Variants in SLC9B1 observed in about 807,000 individuals in gnomAD.
The protein encoded by SLC9B1 is sodium/hydrogen exchanger 9B1.
A neutral mutation model predicts 51.7 loss-of-function variants in SLC9B1; 32 were observed. That is an observed-to-expected ratio of 0.62 (90% CI 0.47 to 0.83). The LOEUF is 0.83. Among genes scored for constraint, SLC9B1 ranks in the 40% least tolerant of loss-of-function variants. The pLI is 0.00. For missense variants in SLC9B1, 406 were observed against 613.2 expected, an observed-to-expected ratio of 0.66 and a Z score of 3.57; for synonymous variants, 145 against 212.7, an observed-to-expected ratio of 0.68 and a Z score of 2.77.
chr4:103,019,560 AGGGCTTGG>A (rs1322030643), intron 1 of SLC9B1, 31 bp downstream of exon 1: 1 of 984,716 alleles, frequency 1.0e-6, no homozygotes, highest in Non-Finnish European at 1.2e-6. Flanking sequence ...CTAGCGCCAA[AGGGCTTGG>A]AAGGGCGGCG....
At position 103,019,645 on chromosome 4, in the gene SLC9B1, G is replaced by A. The variant is rs1741649012; in HGVS notation, c.-48C>T. On this transcript the variant is annotated 5_prime_UTR_variant, in exon 1 of 12. Coordinates refer to ENST00000296422, the MANE Select transcript of SLC9B1 (RefSeq NM_139173.4). ...TCGCTGGCCCGGGAGCGGCCCAGGA[G>A]CCCAGTGACCGTTGCGTAAGCCACG... 3.0e-6 allele frequency: 3 copies of A among 985,528 alleles called. No individual in the cohort carries two copies. The highest frequency in any genetic ancestry group is 1.7e-5 in the African/African-American group (1 of 57,384). The allele number at this position is 985,528 out of a possible 1,614,324, so 61.0% of individuals were successfully genotyped here. A position where few individuals can be genotyped will look rare whatever the true frequency, so the allele number is the denominator to read the frequency against.
intron 1 of SLC9B1, among the ~76,000 whole-genome samples, chr4:103,008,554 TTA>T (rs1740916289): frequency 6.6e-6 from 1 of 151,602 alleles, no homozygotes; most frequent in East Asian, 1.9e-4. Flanking sequence ...TCTAGTTTTT[TTA>T]TTTTTTGGAA....
At chr4:102,941,639 CA>C (rs34497777) in intron 6 of SLC9B1, among the ~76,000 whole-genome samples, 1,614 of 81,592 alleles carry the variant, frequency 0.02, 12 homozygotes, top group African/African-American at 0.07. Context: ...GACTCCGTCT[CA>C]AAAAAAAAAA....
At chr4:102,924,199 C>G (rs1038412659) in intron 7 of SLC9B1, among the ~76,000 whole-genome samples, 39 of 152,194 alleles carry the variant, frequency 2.6e-4, no homozygotes, top group Non-Finnish European at 1.5e-5. Context: ...GTACTGGTGC[C>G]AAAGCAGAGA....
At chr4:102,984,259 G>C (rs1355387038) in intron 3 of SLC9B1, among the ~76,000 whole-genome samples, 1 of 151,966 alleles carries the variant, frequency 6.6e-6, no homozygotes, top group Non-Finnish European at 1.5e-5. Context: ...GAGACTACAG[G>C]CATGCGTCAC....
chr4:102,980,066 G>C (rs1038720882), intron 3 of SLC9B1, among the ~76,000 whole-genome samples: 7 of 152,158 alleles, frequency 4.6e-5, no homozygotes, highest in African/African-American at 9.7e-5. Context: ...ATGCCAGTCA[G>C]AATGGTGATT....
intron 11 of SLC9B1, chr4:102,891,757 A>C (rs1334509711): frequency 6.6e-6 from 1 of 152,252 alleles, no homozygotes; most frequent in Non-Finnish European, 1.5e-5. Flanking sequence ...GAGGAAAACT[A>C]AATAAAGCAG....
At chr4:102,958,883 A>C (rs1737939601) in intron 3 of SLC9B1, among the ~76,000 whole-genome samples, 1 of 152,126 alleles carries the variant, frequency 6.6e-6, no homozygotes, top group Admixed American at 6.6e-5. Flanking sequence ...AGATCCCACC[A>C]CTGCACTCCA....
At position 102,906,586 on chromosome 4, in the gene SLC9B1, C is replaced by T; in HGVS notation, c.1145G>A (p.Gly382Asp). The T allele has an allele frequency of 1.3e-6, 2 of 1,591,824 alleles. No homozygotes were observed. Among genetic ancestry groups the T allele is most frequent in the Non-Finnish European group, 1.7e-6 (2 of 1,176,804 alleles). The change falls in exon 10 of 12, where the codon GGT (glycine) becomes GAT (aspartate). Residue 382 changes from glycine (G) to aspartate (D), a missense_variant. Around this residue, in one of 6 missense-constraint regions of SLC9B1, gnomAD observed 250 missense variants for 394.1 expected, o/e 0.63. Coordinates refer to ENST00000296422, the MANE Select transcript of SLC9B1 (RefSeq NM_139173.4). ...AACAGATACTTCTGCTCCAACTAAACCAAAAAGAAGTGGTTGAAAAATATC... is the reference window on the plus strand; with the variant it reads ...AACAGATACTTCTGCTCCAACTAAATCAAAAAGAAGTGGTTGAAAAATATC... The part of the protein sequence containing the change: ...VWDIFQPLLF[G>D]LVGAEVSVSS...
At chr4:102,929,850 T>C (rs1316677910) in intron 7 of SLC9B1, among the ~76,000 whole-genome samples, 1 of 152,206 alleles carries the variant, frequency 6.6e-6, no homozygotes, top group Non-Finnish European at 1.5e-5. Context: ...ACATGACTGA[T>C]AACAGTATTT....
chr4:102,887,192 G>C (rs1359271715), intron 11 of SLC9B1: 2 of 585,032 alleles, frequency 3.4e-6, no homozygotes, highest in Non-Finnish European at 6.2e-6. Flanking sequence ...ATATGGTTCA[G>C]TTGGATGTAG....
intron 1 of SLC9B1, among the ~76,000 whole-genome samples, chr4:103,008,696 T>C (rs1740925410): frequency 6.6e-6 from 1 of 152,052 alleles, no homozygotes; most frequent in Non-Finnish European, 1.5e-5. Flanking sequence ...ATACATCATA[T>C]TGAGTAAATT....
intron 6 of SLC9B1, among the ~76,000 whole-genome samples, chr4:102,934,938 C>T (rs1425076791): frequency 6.6e-6 from 1 of 152,122 alleles, no homozygotes; most frequent in Non-Finnish European, 1.5e-5. Flanking sequence ...AGTACTACTT[C>T]AAAAGCAATT....
intron 7 of SLC9B1, among the ~76,000 whole-genome samples, chr4:102,930,421 TTA>T (rs1491467085): frequency 2.0e-5 from 3 of 152,226 alleles, no homozygotes; most frequent in Non-Finnish European, 4.4e-5. Context: ...ATTTTTTAAA[TTA>T]AAAAAAAATT....
chr4:102,910,029 G>A (rs979813009), intron 9 of SLC9B1, among the ~76,000 whole-genome samples: 1 of 151,968 alleles, frequency 6.6e-6, no homozygotes, highest in African/African-American at 2.4e-5. Context: ...TGGCCACACT[G>A]GTCTCAAACT....
chr4:103,013,344 T>G (rs966996869), intron 1 of SLC9B1, among the ~76,000 whole-genome samples: 1 of 152,236 alleles, frequency 6.6e-6, no homozygotes, highest in Non-Finnish European at 1.5e-5. Context: ...TTTTCCCCTT[T>G]TGAATTCTCA....
chr4:102,973,458 C>T (rs1375378218), intron 3 of SLC9B1, among the ~76,000 whole-genome samples: 1 of 152,092 alleles, frequency 6.6e-6, no homozygotes, highest in Non-Finnish European at 1.5e-5. Flanking sequence ...CTTGAAGAAA[C>T]TTAAACCTCT....
chr4:102,981,156 A>G (rs184091753), intron 3 of SLC9B1, among the ~76,000 whole-genome samples: 26 of 152,234 alleles, frequency 1.7e-4, no homozygotes, highest in Admixed American at 5.2e-4. Context: ...GTTTACTCCA[A>G]GTTGTCTCAT....
chr4:102,935,962 A>G (rs969975360), intron 6 of SLC9B1, among the ~76,000 whole-genome samples: 2 of 152,182 alleles, frequency 1.3e-5, no homozygotes, highest in African/African-American at 2.4e-5. Context: ...CTGCTGGCAC[A>G]TATGTGTGAG....
Sources: allele counts gnomAD v4.1 joint callset (sites outside exome capture counted in the v4.1 genomes callset), GRCh38; gene constraint gnomAD v4.1.1; regional missense constraint gnomAD v4.1.1; transcripts MANE v1.5; gene names NCBI Gene and HGNC (gene_info 2026-07-23, HGNC 2026-07-21).